The following SLC7A2 variants were observed in gnomAD, a reference collection of about 807,000 sequenced individuals.
SLC7A2 encodes cationic amino acid transporter 2.
SLC7A2 carries 48 observed loss-of-function variants against 58.9 expected under a neutral mutation model. The observed-to-expected ratio is 0.82, with a 90% CI of 0.65 to 1.04. The LOEUF is 1.04. Among genes scored for constraint, SLC7A2 ranks in the 50% least tolerant of loss-of-function variants. SLC7A2 has a pLI of 0.00. For missense variants in SLC7A2, 1,029 were observed against 818.8 expected (o/e 1.26, Z -3.13); for synonymous variants, 363 against 314.5 (o/e 1.15, Z -1.63).
intron 4 of SLC7A2, among the ~76,000 whole-genome samples, chr8:17,548,255 TG>T (rs1273925001): frequency 6.6e-6 from 1 of 152,152 alleles, no homozygotes; most frequent in Non-Finnish European, 1.5e-5. Context: ...GTGAGAGAAT[TG>T]TTTGAGCACA....
chr8:17,516,830 C>T (rs7014245), intron 2 of SLC7A2, among the ~76,000 whole-genome samples: 2,253 of 152,280 alleles, frequency 0.015, 59 homozygotes, highest in African/African-American at 0.05. Context: ...TCCATTGATT[C>T]AGGAAATATT....
intron 2 of SLC7A2, among the ~76,000 whole-genome samples, chr8:17,537,468 G>A (rs541161754): frequency 6.6e-6 from 1 of 152,148 alleles, no homozygotes; most frequent in African/African-American, 2.4e-5. Context: ...CATTTTGTTC[G>A]TAAGAGCTTC....
chr8:17,557,259 A>G (rs1295564449), intron 8 of SLC7A2, among the ~76,000 whole-genome samples: 2 of 152,250 alleles, frequency 1.3e-5, no homozygotes, highest in Non-Finnish European at 2.9e-5. Flanking sequence ...TTACTATGAC[A>G]CAGAAAACTA....
chr8:17,555,485 T>C (rs1018557604), intron 8 of SLC7A2, among the ~76,000 whole-genome samples: 1 of 152,224 alleles, frequency 6.6e-6, no homozygotes, highest in African/African-American at 2.4e-5. Flanking sequence ...AAATAATGAT[T>C]CAATTTTTTG....
intron 2 of SLC7A2, among the ~76,000 whole-genome samples, chr8:17,516,612 C>G (rs1800814176): frequency 6.6e-6 from 1 of 152,206 alleles, no homozygotes; most frequent in Non-Finnish European, 1.5e-5. Context: ...AGATTATTAG[C>G]TAGCTCAGGG....
intron 2 of SLC7A2, among the ~76,000 whole-genome samples, chr8:17,533,321 A>G (rs1328216214): frequency 6.6e-6 from 1 of 152,244 alleles, no homozygotes; most frequent in East Asian, 1.9e-4. Context: ...TATAGTTTCA[A>G]AAGTGACCAT....
chr8:17,512,933 C>T (rs1800663551), intron 2 of SLC7A2, among the ~76,000 whole-genome samples: 1 of 152,090 alleles, frequency 6.6e-6, no homozygotes, highest in Non-Finnish European at 1.5e-5. Flanking sequence ...ATGATGTTCT[C>T]GAGGTTCATC....
chr8:17,543,641 TG>T lies in SLC7A2; in HGVS notation c.303del (p.Leu101PhefsTer5). 1 of 1,572,270 alleles carries T rather than the reference TG, an allele frequency of 6.4e-7. No individual in the cohort carries two copies. The highest frequency in any genetic ancestry group is 8.6e-7 in the Non-Finnish European group (1 of 1,160,748). On this transcript the variant is annotated frameshift_variant, in exon 3 of 13. Transcript: ENST00000494857. LOFTEE classifies it high-confidence loss of function. ...GTTCCCAAGACGGGGTCTGCATATTTGTACACCTACGTGACTGTCGGAGAGC... is the reference window on the plus strand; with the variant it reads ...GTTCCCAAGACGGGGTCTGCATATTTTACACCTACGTGACTGTCGGAGAGC... ...ARVPKTGSAY[L>X]YTYVTVGELW...
At chr8:17,530,516 G>A (rs1162539973) in intron 2 of SLC7A2, among the ~76,000 whole-genome samples, 1 of 152,116 alleles carries the variant, frequency 6.6e-6, no homozygotes, top group Non-Finnish European at 1.5e-5. Context: ...GGAAACCCAG[G>A]CAAGTTGCTG....
chr8:17,519,098 G>A (rs1371092848), intron 2 of SLC7A2, among the ~76,000 whole-genome samples: 1 of 152,114 alleles, frequency 6.6e-6, no homozygotes, highest in Non-Finnish European at 1.5e-5. Context: ...TCACATTGCA[G>A]GTCAGAACTT....
chr8:17,501,775 C>T (rs1800170794), intron 1 of SLC7A2, among the ~76,000 whole-genome samples: 1 of 151,950 alleles, frequency 6.6e-6, no homozygotes, highest in South Asian at 2.1e-4. Flanking sequence ...CCCATTCTGG[C>T]ACTGCTGCGT....
intron 1 of SLC7A2, among the ~76,000 whole-genome samples, chr8:17,499,794 C>G (rs900013683): frequency 2.0e-5 from 3 of 152,064 alleles, no homozygotes; most frequent in African/African-American, 7.2e-5. Context: ...ATTTCTAAAA[C>G]TTTAATCTGG....
Position 17,568,202 on chromosome 8 carries a change from T to G in SLC7A2, c.*3056T>G, listed in dbSNP as rs1803355736. ...ATTAAGAAATATATTCTCAACATTT[T>G]CAGTGAGAATTTCTTGTAATGGCAC... On this transcript the variant is annotated 3_prime_UTR_variant, in exon 13 of 13. Transcript: ENST00000494857. The G allele has an allele frequency of 6.6e-6, 1 of 152,096 alleles. No homozygotes were observed. Among genetic ancestry groups the G allele is most frequent in the Admixed American group, 6.6e-5 (1 of 15,266 alleles). The allele number at this position is 152,096 out of a possible 1,614,324, so 9.4% of individuals were successfully genotyped here.
chr8:17,526,861 A>G (rs1009098059), intron 2 of SLC7A2, among the ~76,000 whole-genome samples: 8 of 152,234 alleles, frequency 5.3e-5, no homozygotes, highest in African/African-American at 1.9e-4. Context: ...GAATTTGGAA[A>G]GTTTCAACAT....
chr8:17,558,091 G>C (rs1292539966), intron 8 of SLC7A2, among the ~76,000 whole-genome samples: 1 of 152,152 alleles, frequency 6.6e-6, no homozygotes, highest in Admixed American at 6.5e-5. Context: ...CCAGAGAGCT[G>C]AGGGTTTTTG....
chr8:17,508,761 G>T (rs1015528363), intron 2 of SLC7A2, among the ~76,000 whole-genome samples: 1 of 151,910 alleles, frequency 6.6e-6, no homozygotes, highest in Non-Finnish European at 1.5e-5. Context: ...AGATAAATTG[G>T]TCAAGTGGCT....
chr8:17,525,238 A>G (rs1294142502), intron 2 of SLC7A2, among the ~76,000 whole-genome samples: 1 of 152,182 alleles, frequency 6.6e-6, no homozygotes, highest in African/African-American at 2.4e-5. Context: ...CTTGAAGAAA[A>G]TAGAGTATTT....
chr8:17,519,002 A>G (rs1338293590), intron 2 of SLC7A2, among the ~76,000 whole-genome samples: 1 of 152,078 alleles, frequency 6.6e-6, no homozygotes, highest in Non-Finnish European at 1.5e-5. Flanking sequence ...TCTTTTTATA[A>G]GGACACTAAT....
Position 17,565,318 on chromosome 8 carries a change from C to T in SLC7A2, c.*172C>T, listed in dbSNP as rs1184966899. 4 of 587,146 alleles carry T rather than the reference C, an allele frequency of 6.8e-6. No individual in the cohort carries two copies. The highest frequency in any genetic ancestry group is 4.4e-5 in the South Asian group (2 of 45,232). The allele number at this position is 587,146 out of a possible 1,614,324, so 36.4% of individuals were successfully genotyped here. ...ATCTCCTCAGATGGTGAATTATGTG[C>T]ACGGGGAAACCTCCTGAGTGGAAGT... On this transcript the variant is annotated 3_prime_UTR_variant, in exon 13 of 13. Coordinates refer to ENST00000494857, the MANE Select transcript of SLC7A2 (RefSeq NM_001370338.1).
Sources: allele counts gnomAD v4.1 joint callset (sites outside exome capture counted in the v4.1 genomes callset), GRCh38; gene constraint gnomAD v4.1.1; transcripts MANE v1.5; gene names NCBI Gene and HGNC (gene_info 2026-07-23, HGNC 2026-07-21).